Variants in SYTL5 observed in about 807,000 individuals in gnomAD.
SYTL5 encodes synaptotagmin-like protein 5.
Under a neutral mutation model 55.9 loss-of-function variants are expected in SYTL5, and 34 were observed. That is an observed-to-expected ratio of 0.61 (90% CI 0.46 to 0.81). The LOEUF (loss-of-function observed/expected upper bound fraction) is 0.81, where lower values mean the gene tolerates loss of function less well. SYTL5 is among the 30% of genes least tolerant of loss of function. The pLI is 0.00. For missense variants in SYTL5, 637 were observed against 546.7 expected, an observed-to-expected ratio of 1.17 and a Z score of -1.65; for synonymous variants, 221 against 188.7, an observed-to-expected ratio of 1.17 and a Z score of -1.40.
At position 38,022,567 on chromosome X, in the gene SYTL5, G is replaced by A. The variant is rs748644237; in HGVS notation, c.-356-10967G>A. Among the ~76,000 whole-genome samples, 11 of 111,517 alleles carry A rather than the reference G, an allele frequency of 9.9e-5. No homozygotes were observed. In the East Asian group the frequency reaches 1.1e-3, roughly 11 times the overall value. On this transcript the variant is annotated intron_variant, in intron 1 of 16. Coordinates refer to ENST00000297875, the MANE Select transcript of SYTL5 (RefSeq NM_138780.3). ...CATCACCTCAGCCTCTGCTTATGTC[G>A]TCACACCTGCTTTTCTGACTTTAAC...
At chrX:37,955,219 AT>A in the SYTL5 span, among the ~76,000 whole-genome samples, 1 of 111,823 alleles carries the variant, frequency 8.9e-6, no homozygotes, top group Admixed American at 9.5e-5. Flanking sequence ...TTATTGATCA[AT>A]TTTTTTAACA....
At chrX:38,013,041 C>T (rs935995511) in intron 1 of SYTL5, among the ~76,000 whole-genome samples, 14 of 112,201 alleles carry the variant, frequency 1.2e-4, no homozygotes, top group African/African-American at 4.5e-4. Flanking sequence ...GAAGTCCAGA[C>T]ATTAATATGG....
chrX:37,974,312 G>A, the SYTL5 span, among the ~76,000 whole-genome samples: 138 of 112,239 alleles, frequency 1.2e-3, no homozygotes, highest in African/African-American at 4.4e-3. Context: ...AAACATTATC[G>A]TAAGTGAATA....
chrX:37,992,528 A>C, the SYTL5 span, among the ~76,000 whole-genome samples: 13 of 112,879 alleles, frequency 1.2e-4, no homozygotes, highest in African/African-American at 4.2e-4. Context: ...GGGGTAGTAA[A>C]AGTCTCTCCA....
rs986408908 is a variant in SYTL5 at position 38,041,300 on chromosome X, C to T, written c.119+7292C>T. Among the ~76,000 whole-genome samples, 3 of 112,377 alleles carry T rather than the reference C, an allele frequency of 2.7e-5. No individual in the cohort carries two copies. In the South Asian group the frequency reaches 1.1e-3, roughly 42 times the overall value. On this transcript the variant is annotated intron_variant, in intron 2 of 16. Transcript: ENST00000297875. ...AGTCTAAGCGCCAAGCAATAATACC[C>T]TTTTAATACACTATAAATGTTTGAT...
rs373298759 is a variant in SYTL5 at position 38,110,380 on chromosome X, T to C, written c.1494T>C (p.Tyr498=). The change falls in exon 13 of 17, where the codon TAT becomes TAC. Residue 498 remains tyrosine (Y), a synonymous_variant. Transcript: ENST00000297875. ...CTCTGCAGCTCTCAGTCTGGCACTA[T>C]GATCGATTTGGACGTAATAGCTTCC... is the stretch of plus-strand genomic sequence containing the variant. ...TRTLQLSVWH[Y]DRFGRNSFLG... is the part of the protein sequence containing the mutation. 12 of 1,207,382 alleles carry C rather than the reference T, an allele frequency of 9.9e-6. No individual in the cohort carries two copies. The highest frequency in any genetic ancestry group is 7.0e-5 in the African/African-American group (4 of 56,999).
chrX:37,947,257 G>A, the SYTL5 span, among the ~76,000 whole-genome samples: 1 of 111,605 alleles, frequency 9.0e-6, no homozygotes, highest in African/African-American at 3.3e-5. Context: ...CATCTGATAT[G>A]GTTTGGCTCT....
At position 38,097,511 on chromosome X, in the gene SYTL5, G is replaced by A. The variant is rs1936964877; in HGVS notation, c.1062+1277G>A. On this transcript the variant is annotated intron_variant, in intron 9 of 16. Coordinates refer to ENST00000297875, the MANE Select transcript of SYTL5 (RefSeq NM_138780.3). ...AAGGAATAAATTCATTTTTAAAAGTGTAATACATGTGCATTGAAATTAACA... is the reference window on the plus strand; with the variant it reads ...AAGGAATAAATTCATTTTTAAAAGTATAATACATGTGCATTGAAATTAACA... Among the ~76,000 whole-genome samples the A allele has an allele frequency of 2.7e-5, 3 of 110,637 alleles. No homozygotes were observed. The South Asian group carries it at 1.1e-3, about 41-fold the overall frequency.
chrX:37,911,602 T>C, the SYTL5 span, among the ~76,000 whole-genome samples: 1 of 111,554 alleles, frequency 9.0e-6, no homozygotes, highest in Non-Finnish European at 1.9e-5. Context: ...TAATTTTAAA[T>C]TATTTCTAAT....
At chrX:37,919,759 C>G in the SYTL5 span, among the ~76,000 whole-genome samples, 14 of 112,504 alleles carry the variant, frequency 1.2e-4, no homozygotes, top group Admixed American at 1.1e-3. Flanking sequence ...TTCTGAAGAC[C>G]TTGTTCTAGC....
chrX:38,094,266 T>A, intron 7 of SYTL5, 29 bp from the exon 8 acceptor site: 1 of 1,171,522 alleles, frequency 8.5e-7, no homozygotes, highest in Non-Finnish European at 1.2e-6. Context: ...GTCAGTATAA[T>A]TTTTTTCTCA....
the SYTL5 span, among the ~76,000 whole-genome samples, chrX:37,894,089 T>A: frequency 9.0e-6 from 1 of 110,776 alleles, no homozygotes; most frequent in East Asian, 2.8e-4. Flanking sequence ...TACAAAAAAA[T>A]GTCTGTGAGC....
At chrX:38,053,360 T>C (rs1359100388) in intron 2 of SYTL5, among the ~76,000 whole-genome samples, 1 of 112,701 alleles carries the variant, frequency 8.9e-6, no homozygotes, top group Non-Finnish European at 1.9e-5. Context: ...TCATTTAATC[T>C]TTAAAACAAT....
chrX:38,119,620 A>G (rs1025260857), intron 13 of SYTL5, among the ~76,000 whole-genome samples: 1 of 112,515 alleles, frequency 8.9e-6, no homozygotes, highest in East Asian at 2.8e-4. Flanking sequence ...TTTTACTATT[A>G]CAAATAAAGC....
At chrX:38,004,675 GA>G (rs1208849656), upstream of SYTL5, among the ~76,000 whole-genome samples, 1 of 110,864 alleles carries the variant, frequency 9.0e-6, no homozygotes, top group East Asian at 2.8e-4. Flanking sequence ...GCCAGACACA[GA>G]AAAAAAATTT....
At chrX:37,888,930 CAA>C in the SYTL5 span, among the ~76,000 whole-genome samples, 9,461 of 54,017 alleles carry the variant, frequency 0.18, 1,476 homozygotes, top group African/African-American at 0.44. Context: ...GACTCTGTCT[CAA>C]AAAAAAAAAA....
chrX:37,942,842 T>A, the SYTL5 span, among the ~76,000 whole-genome samples: 1 of 111,345 alleles, frequency 9.0e-6, no homozygotes, highest in African/African-American at 3.3e-5. Context: ...CACAGAGAAT[T>A]TCTCCTCAGG....
intron 3 of SYTL5, among the ~76,000 whole-genome samples, chrX:38,066,478 A>G (rs941504004): frequency 1.2e-4 from 13 of 111,977 alleles, no homozygotes; most frequent in Admixed American, 4.7e-4. Context: ...AATCAGGCCC[A>G]TTCTTCAGAG....
At chrX:38,111,835 T>TAA (rs1443241927) in intron 13 of SYTL5, among the ~76,000 whole-genome samples, 4 of 112,072 alleles carry the variant, frequency 3.6e-5, no homozygotes, top group African/African-American at 1.3e-4. Flanking sequence ...TTAGCTGGCT[T>TAA]AAGACAATCA....
Sources: gnomAD v4.1 joint callset for allele counts (sites outside exome capture counted in the v4.1 genomes callset) on GRCh38, gnomAD v4.1.1 for gene constraint, MANE v1.5 for transcripts, NCBI Gene and HGNC (gene_info 2026-07-23, HGNC 2026-07-21) for gene names.